COL20A1: variants seen among roughly 807,000 people sequenced by gnomAD.
COL20A1 encodes collagen type XX alpha 1 chain.
COL20A1 carries 164 observed loss-of-function variants against 152.9 expected under a neutral mutation model. The ratio of observed to expected loss-of-function variants is 1.07; its 90% CI spans 0.94 to 1.22. The LOEUF (loss-of-function observed/expected upper bound fraction) is 1.22, where lower values mean the gene tolerates loss of function less well. Among genes scored for constraint, COL20A1 ranks in the 50% most tolerant of loss-of-function variants. The pLI is 0.00. For synonymous variants in COL20A1, 864 were observed against 756.0 expected (o/e 1.14, Z -2.34); for missense variants, 1,873 against 1,744.8 (o/e 1.07, Z -1.31).
Position 63,306,158 on chromosome 20 carries a change from C to A in COL20A1, c.496+119C>A, listed in dbSNP as rs1046388008. On this transcript the variant is annotated intron_variant, in intron 5 of 35. Coordinates refer to ENST00000358894, the MANE Select transcript of COL20A1 (RefSeq NM_020882.4). The surrounding 1 kb of genome is among the most constrained non-coding windows in gnomAD (Gnocchi z 6.9). ...TGTCTGACCACACGGTCTCTGACCA[C>A]GAGGCCAGGAAGTTCTTCCTCGTGT... The A allele has an allele frequency of 1.1e-6, 1 of 899,046 alleles. No homozygotes were observed. Among genetic ancestry groups the A allele is most frequent in the Non-Finnish European group, 1.6e-6 (1 of 606,906 alleles). 55.7% of individuals were successfully genotyped at this position (899,046 alleles called of 1,614,324 possible). A position where few individuals can be genotyped will look rare whatever the true frequency, so the allele number is the denominator to read the frequency against.
chr20:63,309,430 G>T lies in COL20A1; in HGVS notation c.1038G>T (p.Ala346=). 1.9e-6 allele frequency: 3 copies of T among 1,547,114 alleles called. No individual in the cohort carries two copies. Among genetic ancestry groups the T allele is most frequent in the Non-Finnish European group, 2.6e-6 (3 of 1,144,424 alleles). Residue 346 remains alanine (A), a synonymous_variant, in exon 9 of 36, where the codon GCG becomes GCT. Coordinates refer to ENST00000358894, the MANE Select transcript of COL20A1 (RefSeq NM_020882.4). ...TGCTGGACTTCCTGCAGCTCGGCGC[G>T]CTGGCTGGCCTGCTCAGCCGTCTCA... The part of the protein sequence containing the change: ...HSVLDFLQLG[A]LAGLLSRLIC...
intron 35 of COL20A1, 110 bp downstream of exon 35, chr20:63,329,771 G>A: frequency 1.3e-6 from 1 of 756,550 alleles, no homozygotes; most frequent in South Asian, 1.9e-5. Flanking sequence ...TGGGGTGCTG[G>A]GAGCACAAGG....
rs775797808 is a variant in COL20A1, at chr20:63,310,365, G to GC, written c.1264-13dup. On this transcript the variant is annotated splice_polypyrimidine_tract_variant and intron_variant, in intron 10 of 35. Transcript: ENST00000358894. ...CACCCCCCTTCCTGGCTCCGTCCTT[G>GC]CCCACTCTGTTCCAGGTGGTGGTGG... 1.9e-6 allele frequency: 3 copies of GC among 1,610,380 alleles called. No homozygotes were observed. Among genetic ancestry groups the GC allele is most frequent in the Non-Finnish European group, 2.5e-6 (3 of 1,179,026 alleles).
Position 63,306,905 on chromosome 20 carries a change from CT to C in COL20A1, c.497-584del, listed in dbSNP as rs2067932874. Among the ~76,000 whole-genome samples, 1 of 152,100 alleles carries C rather than the reference CT, an allele frequency of 6.6e-6. No homozygotes were observed. The highest frequency in any genetic ancestry group is 2.4e-5 in the African/African-American group (1 of 41,438). ...AGGGTGCTGGGCTCTGCTGGGTCCC[CT>C]GGACTTGGGCTCCCCCAGGGGAGTG... On this transcript the variant is annotated intron_variant, in intron 5 of 35. Coordinates refer to ENST00000358894, the MANE Select transcript of COL20A1 (RefSeq NM_020882.4). The surrounding 1 kb of genome is among the most constrained non-coding windows in gnomAD (Gnocchi z 6.9).
rs1387324962 is a variant in COL20A1 at position 63,306,602 on chromosome 20, C to T, written c.496+563C>T. On this transcript the variant is annotated intron_variant, in intron 5 of 35. Transcript: ENST00000358894. This position sits in a 1 kb window ranked among gnomAD's most constrained non-coding sequence, Gnocchi z 6.9. The stretch of plus-strand genomic sequence containing the variant: ...AGGGCCCTGCCCAGCCGGCCCCAGG[C>T]GTGGAGAGGTAGAGCCACACCAGGA... Among the ~76,000 whole-genome samples the T allele has an allele frequency of 2.0e-5, 3 of 150,730 alleles. No homozygotes were observed. Among genetic ancestry groups the T allele is most frequent in the Middle Eastern group, 3.4e-3 (1 of 294 alleles).
At chr20:63,327,720 T>G in intron 31 of COL20A1, 1 of 584,040 alleles carries the variant, frequency 1.7e-6, no homozygotes. Flanking sequence ...TGGCACAAGT[T>G]CCAGCCCCAC....
Position 63,319,382 on chromosome 20 carries a change from G to A in COL20A1, c.2807-105G>A, listed in dbSNP as rs948029718. The A allele has an allele frequency of 1.1e-5, 12 of 1,088,196 alleles. No individual in the cohort carries two copies. The highest frequency in any genetic ancestry group is 4.6e-5 in the South Asian group (3 of 64,660). The allele number at this position is 1,088,196 out of a possible 1,614,324, so 67.4% of individuals were successfully genotyped here. A position where few individuals can be genotyped will look rare whatever the true frequency, so the allele number is the denominator to read the frequency against. ...CACATTGAGGGTCACCTCCAGCTTG[G>A]CACCCTCAGGGCTGCTCCTGTCCTG... On this transcript the variant is annotated intron_variant, in intron 22 of 35. Coordinates refer to ENST00000358894, the MANE Select transcript of COL20A1 (RefSeq NM_020882.4). This position sits in a 1 kb window ranked among gnomAD's most constrained non-coding sequence, Gnocchi z 4.4.
intron 14 of COL20A1, 108 bp downstream of exon 14, chr20:63,312,163 C>T (rs985621590): frequency 4.4e-5 from 58 of 1,323,934 alleles, no homozygotes; most frequent in Non-Finnish European, 4.8e-5. Flanking sequence ...AAAACCACAG[C>T]GGCCACGAGG....
At chr20:63,322,539 A>G (rs773731000) in intron 27 of COL20A1, among the ~76,000 whole-genome samples, 1 of 151,982 alleles carries the variant, frequency 6.6e-6, no homozygotes. Flanking sequence ...GTATTTTCAG[A>G]TGTCTCTAGG....
intron 5 of COL20A1, 56 bp from the exon 6 acceptor site, chr20:63,307,434 G>A (rs993533792): frequency 1.0e-5 from 16 of 1,537,138 alleles, no homozygotes; most frequent in Non-Finnish European, 1.4e-5. Flanking sequence ...GTGATCTGGG[G>A]GCCTTGGACC....
chr20:63,321,134 G>C (rs2123424737), intron 26 of COL20A1, 35 bp downstream of exon 26: 1 of 1,462,864 alleles, frequency 6.8e-7, no homozygotes, highest in East Asian at 2.4e-5. Flanking sequence ...GGTGACCAGG[G>C]AACACTGGCC....
intron 21 of COL20A1, among the ~76,000 whole-genome samples, chr20:63,318,736 T>C (rs1166162494): frequency 2.0e-5 from 3 of 152,158 alleles, no homozygotes; most frequent in Admixed American, 6.5e-5. Context: ...AGTACTTCTG[T>C]TGAATCCTCC....
In COL20A1 at chr20:63,313,548, G is replaced by A. The variant is rs1054051498; in HGVS notation, c.2210-195G>A. Among the ~76,000 whole-genome samples the A allele has an allele frequency of 2.0e-5, 3 of 152,132 alleles. No homozygotes were observed. The highest frequency in any genetic ancestry group is 4.4e-5 in the Non-Finnish European group (3 of 68,008). On this transcript the variant is annotated intron_variant, in intron 17 of 35. Coordinates refer to ENST00000358894, the MANE Select transcript of COL20A1 (RefSeq NM_020882.4). The surrounding 1 kb of genome is among the most constrained non-coding windows in gnomAD (Gnocchi z 5.9). ...CAGGTGGCGTGGTGTGGGTGTGGTGGGGTGCGGTGTGGGCAGTGGCAGGGG... is the reference window on the plus strand; with the variant it reads ...CAGGTGGCGTGGTGTGGGTGTGGTGAGGTGCGGTGTGGGCAGTGGCAGGGG...
Position 63,307,479 on chromosome 20 carries a change from C to T in COL20A1, c.497-11C>T. Reference sequence around the variant, plus strand: ...CCTCACCTAGCACCTGACCCGCTCCCACCGCCCCAGCCGGCCCCCAGTTCC... The same window carrying T: ...CCTCACCTAGCACCTGACCCGCTCCTACCGCCCCAGCCGGCCCCCAGTTCC... On this transcript the variant is annotated splice_polypyrimidine_tract_variant and intron_variant, in intron 5 of 35. Transcript: ENST00000358894. 1 of 1,609,028 alleles carries T rather than the reference C, an allele frequency of 6.2e-7. No individual in the cohort carries two copies. The highest frequency in any genetic ancestry group is 8.5e-7 in the Non-Finnish European group (1 of 1,178,502).
Position 63,322,052 on chromosome 20 carries a change from C to T in COL20A1, c.3241-6C>T, listed in dbSNP as rs1363877311. ...TGGGGGCTTAGCCCTGTTTGTGCCTCTGCAGGGCCTCCCTGGGAGGAATGG... is the reference window on the plus strand; with the variant it reads ...TGGGGGCTTAGCCCTGTTTGTGCCTTTGCAGGGCCTCCCTGGGAGGAATGG... On this transcript the variant is annotated splice_region_variant and splice_polypyrimidine_tract_variant and intron_variant, in intron 26 of 35. Coordinates refer to ENST00000358894, the MANE Select transcript of COL20A1 (RefSeq NM_020882.4). 1 of 1,508,398 alleles carries T rather than the reference C, an allele frequency of 6.6e-7. No homozygotes were observed. Among genetic ancestry groups the T allele is most frequent in the South Asian group, 1.3e-5 (1 of 77,936 alleles). 93.4% of individuals were successfully genotyped at this position (1,508,398 alleles called of 1,614,324 possible). A position where few individuals can be genotyped will look rare whatever the true frequency, so the allele number is the denominator to read the frequency against.
At chr20:63,297,743 G>T (rs2067816570) in intron 2 of COL20A1, among the ~76,000 whole-genome samples, 167 bp from the exon 3 acceptor site, 1 of 152,256 alleles carries the variant, frequency 6.6e-6, no homozygotes, top group South Asian at 2.1e-4. Context: ...CCCAAGTGGG[G>T]CTGAGTCCGC....
chr20:63,320,686 ACTC>A (rs67849606), intron 25 of COL20A1, among the ~76,000 whole-genome samples: 136,364 of 152,052 alleles, frequency 0.9, 62,929 homozygotes, highest in East Asian at 1. Flanking sequence ...ATCCTCAGTG[ACTC>A]CTCTGTATAC....
In COL20A1 at chr20:63,307,530, C is replaced by T; in HGVS notation, c.537C>T (p.Asp179=). 1 of 1,612,560 alleles carries T rather than the reference C, an allele frequency of 6.2e-7. No homozygotes were observed. The highest frequency in any genetic ancestry group is 1.1e-5 in the South Asian group (1 of 91,080). ...GCTGCCTGCCCCCCGTGCCTGCTGA[C>T]ATGGTCTTCCTGGTGGACGGGTCCT... ...QFRCLPPVPA[D]MVFLVDGSWS... is the part of the protein sequence containing the mutation. The change falls in exon 6 of 36, where the codon GAC becomes GAT. Residue 179 remains aspartate (D), a synonymous_variant. Coordinates refer to ENST00000358894, the MANE Select transcript of COL20A1 (RefSeq NM_020882.4).
At chr20:63,329,698 G>A in intron 35 of COL20A1, 37 bp downstream of exon 35, 2 of 1,450,368 alleles carry the variant, frequency 1.4e-6, no homozygotes, top group Non-Finnish European at 1.9e-6. Context: ...TGCCAAGGCT[G>A]AGGGCATCCA....
Sources: gnomAD v4.1 joint callset for allele counts (sites outside exome capture counted in the v4.1 genomes callset) on GRCh38, gnomAD v4.1.1 for gene constraint, Gnocchi (gnomAD v3.1) non-coding constraint, MANE v1.5 for transcripts, NCBI Gene and HGNC (gene_info 2026-07-23, HGNC 2026-07-21) for gene names.